Variants in MGMT observed in about 807,000 individuals in gnomAD.
The protein encoded by MGMT is O-6-methylguanine-DNA methyltransferase.
In MGMT, 14 loss-of-function variants were observed where a neutral mutation model predicts 15.9. The observed-to-expected ratio is 0.88, with a 90% CI of 0.58 to 1.37. The LOEUF is 1.37. MGMT is among the 40% of genes most tolerant of loss of function. MGMT has a pLI of 0.00. For synonymous variants in MGMT, 130 were observed against 118.2 expected (o/e 1.10, Z -0.65); for missense variants, 282 against 268.1 (o/e 1.05, Z -0.36).
intron 1 of MGMT, among the ~76,000 whole-genome samples, chr10:129,478,300 G>A (rs1845318553): frequency 6.6e-6 from 1 of 152,198 alleles, no homozygotes; most frequent in Non-Finnish European, 1.5e-5. Context: ...AGGACAGCAT[G>A]TGGTCGTCTG....
At chr10:129,710,741 A>AT (rs1271217700) in intron 3 of MGMT, among the ~76,000 whole-genome samples, 1 of 152,188 alleles carries the variant, frequency 6.6e-6, no homozygotes, top group African/African-American at 2.4e-5. Flanking sequence ...GGTCTTCTAG[A>AT]GGAAAAGTCT....
intron 1 of MGMT, among the ~76,000 whole-genome samples, chr10:129,534,465 G>T (rs114475585): frequency 1.5e-3 from 234 of 152,198 alleles, no homozygotes; most frequent in African/African-American, 5.3e-3. Context: ...CGGCTCTGGA[G>T]TGTGACAGTT....
Position 129,767,357 on chromosome 10 carries a change from C to T in MGMT, c.*360C>T, listed in dbSNP as rs536831284. The T allele has an allele frequency of 1.4e-4, 24 of 170,984 alleles. No individual in the cohort carries two copies. The highest frequency in any genetic ancestry group is 3.4e-4 in the South Asian group (2 of 5,802). The allele number at this position is 170,984 out of a possible 1,614,324, so 10.6% of individuals were successfully genotyped here. A position where few individuals can be genotyped will look rare whatever the true frequency, so the allele number is the denominator to read the frequency against. On this transcript the variant is annotated 3_prime_UTR_variant, in exon 5 of 5. Transcript: ENST00000651593. The stretch of plus-strand genomic sequence containing the variant: ...GGGCCAGCTAAGGCCCATCCCAGGC[C>T]GTCCACACTAGAAAGCTGGCCCTGC...
chr10:129,764,207 G>T (rs529127609), intron 4 of MGMT, among the ~76,000 whole-genome samples: 1 of 152,254 alleles, frequency 6.6e-6, no homozygotes. Flanking sequence ...CCATTCGGCC[G>T]GAGGCTGAGA....
chr10:129,691,956 T>C (rs1431247056), intron 2 of MGMT, among the ~76,000 whole-genome samples: 1 of 152,220 alleles, frequency 6.6e-6, no homozygotes, highest in Admixed American at 6.5e-5. Flanking sequence ...CTCTGCACTT[T>C]GGTTTTCTCG....
At chr10:129,704,345 C>T (rs1286983720) in intron 2 of MGMT, among the ~76,000 whole-genome samples, 3 of 152,204 alleles carry the variant, frequency 2.0e-5, no homozygotes, top group African/African-American at 4.8e-5. Flanking sequence ...AGAGTGAGCC[C>T]GGCTTCCCCC....
At chr10:129,692,013 A>C (rs1271958359) in intron 2 of MGMT, among the ~76,000 whole-genome samples, 2 of 152,116 alleles carry the variant, frequency 1.3e-5, no homozygotes, top group African/African-American at 4.8e-5. Flanking sequence ...TTGTTATGGG[A>C]ACTAGACGTG....
At chr10:129,633,175 A>G (rs1847230114) in intron 2 of MGMT, among the ~76,000 whole-genome samples, 1 of 152,218 alleles carries the variant, frequency 6.6e-6, no homozygotes, top group African/African-American at 2.4e-5. Flanking sequence ...ACTTTGAAAA[A>G]GTATACTCTA....
At chr10:129,471,154 C>T (rs866376582) in intron 1 of MGMT, among the ~76,000 whole-genome samples, 6 of 152,192 alleles carry the variant, frequency 3.9e-5, no homozygotes, top group Middle Eastern at 3.2e-3. Flanking sequence ...TTATAGACAT[C>T]GTTCTGCCAG....
chr10:129,475,132 G>A (rs995928646), intron 1 of MGMT, among the ~76,000 whole-genome samples: 2 of 152,082 alleles, frequency 1.3e-5, no homozygotes, highest in Non-Finnish European at 2.9e-5. Context: ...TCCAGGGGAC[G>A]AGTGAGAGCT....
intron 2 of MGMT, among the ~76,000 whole-genome samples, chr10:129,615,534 A>G (rs1280312084): frequency 6.6e-6 from 1 of 152,156 alleles, no homozygotes; most frequent in Non-Finnish European, 1.5e-5. Flanking sequence ...GGACTTCTGA[A>G]TCTGCTTCAA....
chr10:129,631,844 TA>T (rs1173538373), intron 2 of MGMT, among the ~76,000 whole-genome samples: 6 of 151,936 alleles, frequency 3.9e-5, no homozygotes, highest in Admixed American at 6.5e-5. Flanking sequence ...ATAAATAAAA[TA>T]AAAAATGTAT....
rs74820465 is a variant in MGMT at position 129,668,177 on chromosome 10, C to T, written c.126-39718C>T. ...TAAGAACGTGAAGAAAACATATTCTCCTATGTTTTATAGACCATAGGTTGG... is the reference window on the plus strand; with the variant it reads ...TAAGAACGTGAAGAAAACATATTCTTCTATGTTTTATAGACCATAGGTTGG... On this transcript the variant is annotated intron_variant, in intron 2 of 4. Transcript: ENST00000651593. 6.6e-5 allele frequency among the ~76,000 whole-genome samples: 10 copies of T among 152,030 alleles called. No individual in the cohort carries two copies. In the East Asian group the frequency reaches 1.9e-3, roughly 29 times the overall value.
At chr10:129,558,011 C>T (rs1190209877) in intron 2 of MGMT, among the ~76,000 whole-genome samples, 1 of 152,172 alleles carries the variant, frequency 6.6e-6, no homozygotes, top group Non-Finnish European at 1.5e-5. Context: ...CTGATCTTCC[C>T]TCTGGACAGC....
At chr10:129,592,602 C>A (rs1270808439) in intron 2 of MGMT, among the ~76,000 whole-genome samples, 1 of 152,102 alleles carries the variant, frequency 6.6e-6, no homozygotes, top group Non-Finnish European at 1.5e-5. Context: ...GGGAGCTGCC[C>A]CTTGTTGAGA....
chr10:129,524,582 C>CTTTT (rs66701664), intron 1 of MGMT, among the ~76,000 whole-genome samples: 27 of 68,072 alleles, frequency 4.0e-4, no homozygotes, highest in East Asian at 2.0e-3. Flanking sequence ...TCCAAAAAGA[C>CTTTT]TTTTTTTTTT....
At position 129,708,381 on chromosome 10, in the gene MGMT, C is replaced by T. The variant is rs146012168; in HGVS notation, c.274+338C>T. ...TAAGCTTATTGTGAACTTCAACTATCTGCTTGCCAACAGCACAGAAAACGA... is the reference window on the plus strand; with the variant it reads ...TAAGCTTATTGTGAACTTCAACTATTTGCTTGCCAACAGCACAGAAAACGA... On this transcript the variant is annotated intron_variant, in intron 3 of 4. Transcript: ENST00000651593. 4.0e-4 allele frequency among the ~76,000 whole-genome samples: 61 copies of T among 152,334 alleles called. 1 individual carries two copies. Among genetic ancestry groups the T allele is most frequent in the African/African-American group, 1.4e-3 (59 of 41,582 alleles).
At chr10:129,636,039 T>C (rs767597598) in intron 2 of MGMT, among the ~76,000 whole-genome samples, 1 of 152,248 alleles carries the variant, frequency 6.6e-6, no homozygotes, top group Non-Finnish European at 1.5e-5. Context: ...TGAAAAAAGA[T>C]AGAATGTGGT....
chr10:129,671,802 C>G (rs1041547760), intron 2 of MGMT, among the ~76,000 whole-genome samples: 1 of 152,190 alleles, frequency 6.6e-6, no homozygotes, highest in Non-Finnish European at 1.5e-5. Flanking sequence ...ACATCTTCAT[C>G]ACCTCTGTCT....
Sources: gnomAD v4.1 joint callset for allele counts (sites outside exome capture counted in the v4.1 genomes callset) on GRCh38, gnomAD v4.1.1 for gene constraint, MANE v1.5 for transcripts, NCBI Gene and HGNC (gene_info 2026-07-23, HGNC 2026-07-21) for gene names.